ZC3H12B: variants seen among roughly 807,000 people sequenced by gnomAD.
The protein encoded by ZC3H12B is probable ribonuclease ZC3H12B.
Under a neutral mutation model 43.9 loss-of-function variants are expected in ZC3H12B, and 7 were observed. That is an observed-to-expected ratio of 0.16 (90% CI 0.09 to 0.30). The LOEUF (loss-of-function observed/expected upper bound fraction) is 0.30, where lower values mean the gene tolerates loss of function less well. Among genes scored for constraint, ZC3H12B ranks in the 10% least tolerant of loss-of-function variants. The probability of loss-of-function intolerance (pLI) is 1.00; values close to 1 mark genes in which losing one functional copy is unlikely to be tolerated. For synonymous variants in ZC3H12B, 222 were observed against 241.7 expected, an observed-to-expected ratio of 0.92 and a Z score of 0.76; for missense variants, 475 against 670.2, an observed-to-expected ratio of 0.71 and a Z score of 3.22.
chrX:65,353,217 T>A, the ZC3H12B span, among the ~76,000 whole-genome samples: 1 of 111,356 alleles, frequency 9.0e-6, no homozygotes, highest in Non-Finnish European at 1.9e-5. Context: ...ACTGCACCCA[T>A]ATACGACAGG....
chrX:65,192,928 C>G, the ZC3H12B span, among the ~76,000 whole-genome samples: 5 of 110,330 alleles, frequency 4.5e-5, no homozygotes, highest in African/African-American at 1.7e-4. Context: ...TGCGTGCCAC[C>G]ACCCCCAGCT....
chrX:65,488,799 G>A (rs755376318), exon 1 of ZC3H12B: 7 of 1,174,821 alleles, frequency 6.0e-6, no homozygotes, highest in South Asian at 3.9e-5. Flanking sequence ...CCCACTAAAC[G>A]GGATGACGGC....
the ZC3H12B span, chrX:65,356,951 CAG>C: frequency 2.2e-6 from 1 of 449,456 alleles, no homozygotes; most frequent in East Asian, 4.7e-5. Flanking sequence ...GGCTGTAAAA[CAG>C]AGTTGATAGG....
chrX:65,204,411 T>G, the ZC3H12B span, among the ~76,000 whole-genome samples: 1 of 111,848 alleles, frequency 8.9e-6, no homozygotes, highest in Non-Finnish European at 1.9e-5. Flanking sequence ...GTGCTTTATT[T>G]TTTGCTCCTT....
chrX:65,253,475 G>T, the ZC3H12B span, among the ~76,000 whole-genome samples: 2 of 112,380 alleles, frequency 1.8e-5, no homozygotes, highest in African/African-American at 6.5e-5. Context: ...AGGGCTTGGT[G>T]CAGGAACAAC....
At chrX:65,161,125 A>G in the ZC3H12B span, among the ~76,000 whole-genome samples, 4 of 111,107 alleles carry the variant, frequency 3.6e-5, no homozygotes, top group Non-Finnish European at 7.5e-5. Context: ...GGTCTGAGAG[A>G]CACTTTGTTA....
At chrX:65,164,027 C>G in the ZC3H12B span, among the ~76,000 whole-genome samples, 1 of 111,971 alleles carries the variant, frequency 8.9e-6, no homozygotes, top group Admixed American at 9.5e-5. Context: ...GATGATTTCT[C>G]TTTGCTCACT....
the ZC3H12B span, among the ~76,000 whole-genome samples, chrX:65,238,398 A>T: frequency 8.9e-6 from 1 of 112,135 alleles, no homozygotes; most frequent in Non-Finnish European, 1.9e-5. Context: ...TGTTCGTGGT[A>T]TTCTCTGATG....
chrX:65,184,511 A>G, the ZC3H12B span, among the ~76,000 whole-genome samples: 12 of 111,672 alleles, frequency 1.1e-4, no homozygotes, highest in Admixed American at 1.1e-3. Flanking sequence ...TTTGTGATGG[A>G]TGGAATTTGT....
At chrX:65,170,843 G>A in the ZC3H12B span, among the ~76,000 whole-genome samples, 3 of 111,895 alleles carry the variant, frequency 2.7e-5, no homozygotes, top group African/African-American at 9.7e-5. Context: ...TGAAGCTTGT[G>A]CATGCGTCAC....
At chrX:65,292,026 C>A in the ZC3H12B span, among the ~76,000 whole-genome samples, 1 of 111,502 alleles carries the variant, frequency 9.0e-6, no homozygotes, top group Non-Finnish European at 1.9e-5. Flanking sequence ...TGTGAGGTGA[C>A]AACTTATTAT....
At chrX:65,367,765 CTT>C (rs2066192347) in intron 1 of ZC3H12B, among the ~76,000 whole-genome samples, 1 of 111,153 alleles carries the variant, frequency 9.0e-6, no homozygotes, top group Non-Finnish European at 1.9e-5. Flanking sequence ...CTTAGGAGGT[CTT>C]AATTTCATGT....
chrX:65,055,344 C>G, the ZC3H12B span, among the ~76,000 whole-genome samples: 244 of 111,815 alleles, frequency 2.2e-3, 2 homozygotes, highest in African/African-American at 7.4e-3. Flanking sequence ...TCGAGATAAT[C>G]ATGTGGTTTT....
chrX:65,491,924 A>T (rs2068210533), intron 1 of ZC3H12B, among the ~76,000 whole-genome samples: 1 of 109,722 alleles, frequency 9.1e-6, no homozygotes, highest in Non-Finnish European at 1.9e-5. Flanking sequence ...AGCAATCAGA[A>T]TGATGCAGTG....
intron 3 of ZC3H12B, among the ~76,000 whole-genome samples, chrX:65,463,687 C>T (rs975516325): frequency 3.6e-5 from 4 of 111,142 alleles, no homozygotes; most frequent in Admixed American, 1.9e-4. Context: ...ATCACCTTCT[C>T]TTTTGTATAT....
the ZC3H12B span, among the ~76,000 whole-genome samples, chrX:65,255,379 G>T: frequency 8.9e-6 from 1 of 111,883 alleles, no homozygotes; most frequent in South Asian, 3.7e-4. Context: ...CTACAGGCCA[G>T]AAGAAATTGA....
chrX:65,061,071 A>G, the ZC3H12B span, among the ~76,000 whole-genome samples: 1 of 112,083 alleles, frequency 8.9e-6, no homozygotes, highest in Non-Finnish European at 1.9e-5. Context: ...CTTTGTAGCT[A>G]CTAATGATCC....
intron 2 of ZC3H12B, among the ~76,000 whole-genome samples, chrX:65,393,363 T>C (rs2066653259): frequency 8.9e-6 from 1 of 112,039 alleles, no homozygotes; most frequent in South Asian, 3.8e-4. Context: ...ACATGTGCCA[T>C]GGTGGTTTGC....
chrX:65,127,803 G>C, the ZC3H12B span, among the ~76,000 whole-genome samples: 1 of 110,869 alleles, frequency 9.0e-6, no homozygotes, highest in Admixed American at 9.6e-5. Context: ...GGAAGTAGGG[G>C]AAAGCTGGCA....
Sources: allele counts gnomAD v4.1 joint callset (sites outside exome capture counted in the v4.1 genomes callset), GRCh38; gene constraint gnomAD v4.1.1; transcripts MANE v1.5; gene names NCBI Gene and HGNC (gene_info 2026-07-23, HGNC 2026-07-21).